ROBO2: variants seen among roughly 807,000 people sequenced by gnomAD.
ROBO2 encodes the protein roundabout guidance receptor 2.
In ROBO2, 53 loss-of-function variants were observed where a neutral mutation model predicts 160.8. The ratio of observed to expected loss-of-function variants is 0.33; its 90% CI spans 0.26 to 0.41. The LOEUF (loss-of-function observed/expected upper bound fraction) is 0.41. Ranked by LOEUF, ROBO2 falls within the 10% of genes least tolerant of loss-of-function variation. The pLI is 1.00. For synonymous variants in ROBO2, 664 were observed against 611.7 expected (o/e 1.09, Z -1.26); for missense variants, 1,577 against 1,722.4 (o/e 0.92, Z 1.49).
At chr3:76,657,806 GTATA>G (rs1390858837) in intron 2 of ROBO2, among the ~76,000 whole-genome samples, 1 of 147,096 alleles carries the variant, frequency 6.8e-6, no homozygotes, top group Non-Finnish European at 1.5e-5. Flanking sequence ...ATATATGTGT[GTATA>G]TATATAGTGT....
chr3:76,667,594 C>T (rs2092098769), intron 2 of ROBO2, among the ~76,000 whole-genome samples: 1 of 151,996 alleles, frequency 6.6e-6, no homozygotes, highest in Admixed American at 6.6e-5. Context: ...ATTAATTTGA[C>T]ATATTTTAAT....
intron 1 of ROBO2, among the ~76,000 whole-genome samples, chr3:77,059,637 A>G (rs2066093327): frequency 6.6e-6 from 1 of 152,172 alleles, no homozygotes; most frequent in Non-Finnish European, 1.5e-5. Context: ...TTAAATTGCC[A>G]GAGACACCCC....
intron 2 of ROBO2, among the ~76,000 whole-genome samples, chr3:76,735,519 T>C (rs995840950): frequency 3.9e-5 from 6 of 152,020 alleles, no homozygotes. Context: ...CTCAGCACTT[T>C]GGGAGGCCAA....
intron 2 of ROBO2, among the ~76,000 whole-genome samples, chr3:77,020,636 C>T (rs747444933): frequency 2.6e-5 from 4 of 152,102 alleles, no homozygotes; most frequent in Non-Finnish European, 5.9e-5. Flanking sequence ...TATCTAATAT[C>T]AACAACCAAA....
chr3:76,474,210 G>T (rs982665143), intron 2 of ROBO2, among the ~76,000 whole-genome samples: 1 of 152,102 alleles, frequency 6.6e-6, no homozygotes, highest in Non-Finnish European at 1.5e-5. Flanking sequence ...AGTGCTTTAA[G>T]TGAAAATATT....
At chr3:76,134,991 C>T (rs952492334) in intron 2 of ROBO2, among the ~76,000 whole-genome samples, 5 of 152,072 alleles carry the variant, frequency 3.3e-5, no homozygotes, top group African/African-American at 1.2e-4. Context: ...GCCACAGTCA[C>T]AGGAAGGCTT....
intron 2 of ROBO2, among the ~76,000 whole-genome samples, chr3:77,364,416 T>C (rs1400668802): frequency 6.6e-6 from 1 of 152,170 alleles, no homozygotes; most frequent in East Asian, 1.9e-4. Flanking sequence ...AAAAGTGGCC[T>C]CTTTCATTAT....
chr3:76,631,343 C>A (rs1215180314), intron 2 of ROBO2, among the ~76,000 whole-genome samples: 3 of 151,770 alleles, frequency 2.0e-5, no homozygotes, highest in Non-Finnish European at 2.9e-5. Context: ...CTTTTGTTGG[C>A]GTTAAAATGC....
chr3:77,425,149 C>G (rs1388806004), intron 2 of ROBO2, among the ~76,000 whole-genome samples: 1 of 149,088 alleles, frequency 6.7e-6, no homozygotes, highest in South Asian at 2.1e-4. Context: ...GTTGAGTTCT[C>G]ACTACGTGCC....
At chr3:76,629,309 G>C (rs2089878225) in intron 2 of ROBO2, among the ~76,000 whole-genome samples, 1 of 152,054 alleles carries the variant, frequency 6.6e-6, no homozygotes, top group South Asian at 2.1e-4. Context: ...GCATTAGTCA[G>C]GGTTCTCTAG....
intron 2 of ROBO2, among the ~76,000 whole-genome samples, chr3:77,305,312 G>A (rs9873219): frequency 0.1 from 15,205 of 152,254 alleles, 973 homozygotes; most frequent in East Asian, 0.34. Context: ...GATTTCAACT[G>A]CCCTTTTGGT....
chr3:76,387,385 T>C (rs1559862764), intron 2 of ROBO2, among the ~76,000 whole-genome samples: 3 of 152,100 alleles, frequency 2.0e-5, no homozygotes, highest in Non-Finnish European at 4.4e-5. Context: ...TGAAGAATCA[T>C]TTATTATTAT....
chr3:76,500,411 C>A (rs1433249012), intron 2 of ROBO2, among the ~76,000 whole-genome samples: 1 of 152,130 alleles, frequency 6.6e-6, no homozygotes, highest in Non-Finnish European at 1.5e-5. Context: ...CCGCACCTGG[C>A]AAAATAGTTA....
intron 2 of ROBO2, among the ~76,000 whole-genome samples, chr3:76,045,079 C>G (rs1377359971): frequency 6.6e-6 from 1 of 151,964 alleles, no homozygotes; most frequent in Non-Finnish European, 1.5e-5. Flanking sequence ...TCTTTTATTA[C>G]CTGGGAGAGA....
intron 2 of ROBO2, among the ~76,000 whole-genome samples, chr3:76,439,247 T>C (rs1033710045): frequency 3.3e-5 from 5 of 151,582 alleles, no homozygotes; most frequent in African/African-American, 9.7e-5. Context: ...TCATGGAGTT[T>C]AGAACTAGTG....
intron 2 of ROBO2, among the ~76,000 whole-genome samples, chr3:76,960,241 A>T (rs2079551824): frequency 6.6e-6 from 1 of 151,680 alleles, no homozygotes; most frequent in Non-Finnish European, 1.5e-5. Context: ...TTTAAACATA[A>T]ACCCCTGATA....
chr3:76,463,365 GT>G (rs1249907126), intron 2 of ROBO2, among the ~76,000 whole-genome samples: 3 of 137,144 alleles, frequency 2.2e-5, no homozygotes, highest in Non-Finnish European at 4.6e-5. Context: ...ATCTTAGAAA[GT>G]GTTTGGGAAA....
intron 1 of ROBO2, among the ~76,000 whole-genome samples, chr3:77,084,356 A>G (rs1239725039): frequency 6.6e-6 from 1 of 152,128 alleles, no homozygotes; most frequent in East Asian, 1.9e-4. Context: ...GTTGTTTATA[A>G]GATCCAACTT....
At chr3:76,926,954 T>C (rs1458859810) in intron 2 of ROBO2, among the ~76,000 whole-genome samples, 1 of 151,996 alleles carries the variant, frequency 6.6e-6, no homozygotes, top group Non-Finnish European at 1.5e-5. Flanking sequence ...AAATTGTTTG[T>C]TATCCTAAAT....
Sources: allele counts gnomAD v4.1 joint callset (sites outside exome capture counted in the v4.1 genomes callset), GRCh38; gene constraint gnomAD v4.1.1; transcripts MANE v1.5; gene names NCBI Gene and HGNC (gene_info 2026-07-23, HGNC 2026-07-21).